KTN1: variants seen among roughly 807,000 people sequenced by gnomAD.
KTN1 encodes kinectin 1.
KTN1 carries 130 observed loss-of-function variants against 222.5 expected under a neutral mutation model. The observed-to-expected ratio is 0.58, with a 90% CI of 0.51 to 0.68. The LOEUF is 0.68. KTN1 is among the 30% of genes least tolerant of loss of function. The pLI is 0.00. For missense variants in KTN1, 1,508 were observed against 1,500.4 expected (o/e 1.01, Z -0.08); for synonymous variants, 512 against 496.3 (o/e 1.03, Z -0.42).
At chr14:55,637,146 G>C (rs1235548761) in intron 10 of KTN1, 52 bp from the exon 11 acceptor site, 4 of 1,358,888 alleles carry the variant, frequency 2.9e-6, no homozygotes, top group African/African-American at 2.9e-5. Context: ...AGATGAGTAT[G>C]AGTAACTAGG....
chr14:55,593,088 A>T (rs55760841), intron 1 of KTN1, among the ~76,000 whole-genome samples: 37,169 of 151,982 alleles, frequency 0.24, 4,838 homozygotes, highest in East Asian at 0.36. Flanking sequence ...TGTTGAGTCT[A>T]TATGCCAGTA....
chr14:55,673,646 T>C (rs1323813248), intron 40 of KTN1: 1 of 156,834 alleles, frequency 6.4e-6, no homozygotes, highest in Non-Finnish European at 1.4e-5. Context: ...TGGGAGAAGA[T>C]TATATTGAAA....
intron 31 of KTN1, among the ~76,000 whole-genome samples, chr14:55,659,990 T>A (rs1021525064): frequency 6.6e-6 from 1 of 152,250 alleles, no homozygotes; most frequent in Admixed American, 6.5e-5. Context: ...GTTTTCTAAA[T>A]CACCTTCTAT....
At position 55,650,313 on chromosome 14, in the gene KTN1, A is replaced by G. The variant is rs372955231; in HGVS notation, c.2406-15A>G. The G allele has an allele frequency of 4.5e-6, 7 of 1,548,658 alleles. No individual in the cohort carries two copies. Among genetic ancestry groups the G allele is most frequent in the Admixed American group, 3.9e-5 (2 of 51,154 alleles). ...GTGATTTCTAATCAAATTATACTGC[A>G]TTTCTTTATTGAAGGATCCATGAGA... On this transcript the variant is annotated splice_polypyrimidine_tract_variant and intron_variant, in intron 22 of 43. Transcript: ENST00000395314.
chr14:55,649,829 A>T lies in KTN1; in HGVS notation c.2405+16A>T. 7.0e-7 allele frequency: 1 copy of T among 1,432,118 alleles called. No homozygotes were observed. Among genetic ancestry groups the T allele is most frequent in the Non-Finnish European group, 9.6e-7 (1 of 1,042,866 alleles). 88.7% of individuals were successfully genotyped at this position (1,432,118 alleles called of 1,614,324 possible). A position where few individuals can be genotyped will look rare whatever the true frequency, so the allele number is the denominator to read the frequency against. On this transcript the variant is annotated intron_variant, in intron 22 of 43. Transcript: ENST00000395314. ...TTAAGAAAGTGTAAGTGATAACATT[A>T]TTATAAACTGGTTTTTCTTCTTTGG...
intron 5 of KTN1, among the ~76,000 whole-genome samples, chr14:55,627,667 A>G (rs1166834767): frequency 2.6e-5 from 4 of 151,740 alleles, no homozygotes; most frequent in Non-Finnish European, 5.9e-5. Context: ...TCCTGTGTCC[A>G]TGTGTTCTCA....
At chr14:55,601,817 C>G (rs1440703559) in intron 1 of KTN1, 1 of 152,084 alleles carries the variant, frequency 6.6e-6, no homozygotes, top group Non-Finnish European at 1.5e-5. Flanking sequence ...CTTGCTGCAA[C>G]CCTTTGCCTC....
chr14:55,655,426 A>G (rs1322675405), intron 28 of KTN1, among the ~76,000 whole-genome samples: 2 of 152,204 alleles, frequency 1.3e-5, no homozygotes, highest in East Asian at 1.9e-4. Flanking sequence ...TGGTAAAAAT[A>G]AGTGTTCAGC....
rs1413851374 is a variant in KTN1 at position 55,646,481 on chromosome 14, TTTCC to T, written c.2173-489_2173-486del. ...TTCCTTTTCCTTTCCTTTCCTTTCCTTTCCTTTCCTTTCCTTTCCTTTCCTTTCC... is the reference window on the plus strand; with the variant it reads ...TTCCTTTTCCTTTCCTTTCCTTTCCTTTTCCTTTCCTTTCCTTTCCTTTCC... On this transcript the variant is annotated intron_variant, in intron 18 of 43. Coordinates refer to ENST00000395314, the MANE Select transcript of KTN1 (RefSeq NM_001079521.2). Among the ~76,000 whole-genome samples, 345 of 79,436 alleles carry T rather than the reference TTTCC, an allele frequency of 4.3e-3. 3 individuals are homozygous for T. Among genetic ancestry groups the T allele is most frequent in the African/African-American group, 0.016 (288 of 17,976 alleles). The allele number at this position is 79,436 out of a possible 152,430, so 52.1% of individuals were successfully genotyped here.
intron 1 of KTN1, among the ~76,000 whole-genome samples, chr14:55,595,966 A>G (rs976057369): frequency 2.6e-5 from 4 of 152,086 alleles, no homozygotes; most frequent in Non-Finnish European, 5.9e-5. Context: ...CATCCTGGCT[A>G]ACATGGTGAA....
At chr14:55,678,826 T>G in intron 42 of KTN1, 1 of 182,996 alleles carries the variant, frequency 5.5e-6, no homozygotes, top group South Asian at 1.3e-4. Flanking sequence ...GTGAACTGCA[T>G]GCTCCTTATG....
intron 9 of KTN1, 45 bp from the exon 10 acceptor site, chr14:55,636,404 C>G (rs766470775): frequency 3.7e-5 from 53 of 1,425,936 alleles, no homozygotes; most frequent in Non-Finnish European, 4.9e-5. Context: ...AGTAGAAATT[C>G]TGTGTTTGTG....
intron 1 of KTN1, among the ~76,000 whole-genome samples, chr14:55,594,456 C>T (rs960793282): frequency 6.1e-5 from 9 of 147,352 alleles, no homozygotes; most frequent in South Asian, 2.1e-4. Flanking sequence ...TGTGTTTCTT[C>T]GTTCTGTTTT....
At chr14:55,622,143 G>A (rs993931587) in intron 5 of KTN1, among the ~76,000 whole-genome samples, 10 of 151,994 alleles carry the variant, frequency 6.6e-5, no homozygotes, top group Non-Finnish European at 7.4e-5. Context: ...CACCGTGCCC[G>A]GCCAGATTTA....
chr14:55,673,752 A>T (rs2045652995), intron 40 of KTN1: 1 of 152,314 alleles, frequency 6.6e-6, no homozygotes, highest in Non-Finnish European at 1.5e-5. Flanking sequence ...TAAAAAGCGT[A>T]TAAGAGTCTT....
At chr14:55,583,768 G>A (rs1202194754) in intron 1 of KTN1, among the ~76,000 whole-genome samples, 3 of 152,050 alleles carry the variant, frequency 2.0e-5, no homozygotes, top group African/African-American at 7.3e-5. Context: ...GTGCTGTTAG[G>A]CCTATCCACT....
intron 1 of KTN1, among the ~76,000 whole-genome samples, chr14:55,592,612 G>A (rs1594723969): frequency 6.6e-6 from 1 of 152,166 alleles, no homozygotes; most frequent in East Asian, 1.9e-4. Flanking sequence ...ACTGTATGTA[G>A]GAGTGTTTTG....
In KTN1 at chr14:55,618,090, T is replaced by G. The variant is rs1208001469; in HGVS notation, c.788T>G (p.Ile263Ser). 1 of 1,612,406 alleles carries G rather than the reference T, an allele frequency of 6.2e-7. No individual in the cohort carries two copies. Among genetic ancestry groups the G allele is most frequent in the East Asian group, 2.2e-5 (1 of 44,740 alleles). The change falls in exon 4 of 44, where the codon ATC (isoleucine) becomes AGC (serine). Residue 263 changes from isoleucine to serine, a missense_variant. By Grantham distance (142) the Ile-to-Ser change is moderately radical (BLOSUM62 -2). Transcript: ENST00000395314. ...DLLKPDQVEG[I>S]QKSGTKKLKT... Reference sequence around the variant, plus strand: ...CTTAAACCTGACCAAGTAGAAGGGATCCAGAAATCTGGGACTAAAAAACTG... The same window carrying G: ...CTTAAACCTGACCAAGTAGAAGGGAGCCAGAAATCTGGGACTAAAAAACTG...
At chr14:55,586,525 GGAGGAGCCT>G (rs1298809188) in intron 1 of KTN1, among the ~76,000 whole-genome samples, 1 of 152,150 alleles carries the variant, frequency 6.6e-6, no homozygotes, top group East Asian at 1.9e-4. Flanking sequence ...AATATCTTTA[GGAGGAGCCT>G]GAATTTTAAC....
Sources: allele counts gnomAD v4.1 joint callset (sites outside exome capture counted in the v4.1 genomes callset), GRCh38; gene constraint gnomAD v4.1.1; transcripts MANE v1.5; gene names NCBI Gene and HGNC (gene_info 2026-07-23, HGNC 2026-07-21).